STIM1: variants seen among roughly 807,000 people sequenced by gnomAD.
STIM1 encodes stromal interaction molecule 1.
A neutral mutation model predicts 74.7 loss-of-function variants in STIM1; 25 were observed. The ratio of observed to expected loss-of-function variants is 0.33; its 90% confidence interval spans 0.24 to 0.47. The LOEUF is 0.47. Ranked by LOEUF, STIM1 falls within the 20% of genes least tolerant of loss-of-function variation. The pLI is 1.00. For synonymous variants in STIM1, 328 were observed against 348.8 expected (o/e 0.94, Z 0.66); for missense variants, 728 against 920.8 (o/e 0.79, Z 2.71).
intron 3 of STIM1, among the ~76,000 whole-genome samples, chr11:4,039,915 C>A (rs1042812096): frequency 6.6e-6 from 1 of 151,772 alleles, no homozygotes; most frequent in African/African-American, 2.4e-5. Flanking sequence ...TTGCAGGTGC[C>A]CACGATGACG....
intron 2 of STIM1, 31 bp from the exon 3 acceptor site, chr11:4,023,842 C>G (rs2093977843): frequency 1.9e-6 from 3 of 1,579,844 alleles, no homozygotes; most frequent in African/African-American, 1.3e-5. Flanking sequence ...TCCTAGGTAT[C>G]TCTTGTGACT....
chr11:4,058,969 A>G, intron 4 of STIM1: 2 of 1,170,246 alleles, frequency 1.7e-6, no homozygotes, highest in Non-Finnish European at 2.1e-6. Context: ...TGTAGAGGAT[A>G]AACCCTGGAA....
chr11:3,941,696 A>AGAGAGAGAGAGAGTGT lies in STIM1; in HGVS notation c.140-25855_140-25854insAGAGAGAGAGAGTGTG, dbSNP rs1214690521. The stretch of plus-strand genomic sequence containing the variant: ...TATAGAGAGAGAGAGAGAGAGAGAG[A>AGAGAGAGAGAGAGTGT]GTGTGTGTGTGTCTCAGTGTCACTG... On this transcript the variant is annotated intron_variant, in intron 1 of 12. Coordinates refer to ENST00000526596, the MANE Select transcript of STIM1 (RefSeq NM_001382567.1). Among the ~76,000 whole-genome samples the AGAGAGAGAGAGAGTGT allele has an allele frequency of 6.5e-3, 915 of 141,284 alleles. 15 individuals carry two copies. Among genetic ancestry groups the AGAGAGAGAGAGAGTGT allele is most frequent in the Admixed American group, 0.016 (222 of 13,708 alleles). The allele number at this position is 141,284 out of a possible 152,430, so 92.7% of individuals were successfully genotyped here.
intron 1 of STIM1, among the ~76,000 whole-genome samples, chr11:3,882,549 C>G (rs1015486286): frequency 6.6e-6 from 1 of 152,110 alleles, no homozygotes; most frequent in African/African-American, 2.4e-5. Context: ...CACCGTTTAC[C>G]TATGTACCAA....
At chr11:3,917,351 T>G (rs571194807) in intron 1 of STIM1, among the ~76,000 whole-genome samples, 2 of 152,172 alleles carry the variant, frequency 1.3e-5, no homozygotes, top group Admixed American at 6.5e-5. Context: ...TGATTTCAAG[T>G]TGGATGACTT....
chr11:3,855,608 C>CCCCCG, upstream of STIM1: 1 of 139,130 alleles, frequency 7.2e-6, no homozygotes, highest in Non-Finnish European at 1.6e-5. Context: ...GGGGCGGGCG[C>CCCCCG]GGAGACGCAC....
intron 1 of STIM1, among the ~76,000 whole-genome samples, chr11:3,895,867 C>CTTTCT (rs199623120): frequency 0.041 from 3,101 of 74,964 alleles, 504 homozygotes; most frequent in African/African-American, 0.064. Context: ...CTCTCTCTCT[C>CTTTCT]TTTCTTTTCT....
At chr11:3,945,788 G>A (rs2093065070) in intron 1 of STIM1, among the ~76,000 whole-genome samples, 1 of 152,288 alleles carries the variant, frequency 6.6e-6, no homozygotes, top group Non-Finnish European at 1.5e-5. Flanking sequence ...AAGAAAAGAG[G>A]TTTAATTGGC....
chr11:3,945,250 G>A (rs2093057684), intron 1 of STIM1, among the ~76,000 whole-genome samples: 1 of 152,132 alleles, frequency 6.6e-6, no homozygotes, highest in Admixed American at 6.6e-5. Flanking sequence ...ATGGAGAGTG[G>A]AGACTAGTGC....
intron 1 of STIM1, among the ~76,000 whole-genome samples, chr11:3,908,552 C>G (rs2092506876): frequency 6.8e-6 from 1 of 146,446 alleles, no homozygotes; most frequent in Admixed American, 6.9e-5. Flanking sequence ...GTGGAGCTTG[C>G]AGTAAGCTGA....
At chr11:3,866,717 A>G (rs2090874300) in intron 1 of STIM1, among the ~76,000 whole-genome samples, 1 of 152,110 alleles carries the variant, frequency 6.6e-6, no homozygotes, top group Admixed American at 6.5e-5. Context: ...CCAGTACCTA[A>G]GAGCACTGGG....
At chr11:3,902,510 C>A (rs7113148) in intron 1 of STIM1, among the ~76,000 whole-genome samples, 46,469 of 152,018 alleles carry the variant, frequency 0.31, 7,285 homozygotes, top group South Asian at 0.39. Flanking sequence ...ATAAGGAGCA[C>A]GCAACCTAGA....
At chr11:4,089,043 G>A (rs1054041770) in intron 12 of STIM1, 2 of 308,920 alleles carry the variant, frequency 6.5e-6, no homozygotes, top group Non-Finnish European at 1.3e-5. Flanking sequence ...ACCAGCCTGG[G>A]AAACAAAGTG....
At chr11:4,013,188 A>G (rs2135966487) in intron 2 of STIM1, among the ~76,000 whole-genome samples, 1 of 152,052 alleles carries the variant, frequency 6.6e-6, no homozygotes, top group African/African-American at 2.4e-5. Context: ...AAATTCTTTT[A>G]TTTGTTGTGT....
At chr11:4,066,599 C>G (rs2094367142) in intron 5 of STIM1, among the ~76,000 whole-genome samples, 1 of 152,052 alleles carries the variant, frequency 6.6e-6, no homozygotes, top group Non-Finnish European at 1.5e-5. Context: ...TGTAATTCCA[C>G]TTTGGGAGGC....
chr11:3,995,978 C>T (rs939961248), intron 2 of STIM1, among the ~76,000 whole-genome samples: 2 of 152,128 alleles, frequency 1.3e-5, no homozygotes, highest in Non-Finnish European at 2.9e-5. Flanking sequence ...CCCTAGTTAT[C>T]TCCAGCAAAT....
intron 1 of STIM1, among the ~76,000 whole-genome samples, chr11:3,894,311 G>T (rs1428341839): frequency 6.6e-6 from 1 of 152,044 alleles, no homozygotes; most frequent in East Asian, 1.9e-4. Flanking sequence ...CAACAAAAAG[G>T]GCCCCGTATG....
chr11:3,979,593 G>T (rs979801596), intron 2 of STIM1, among the ~76,000 whole-genome samples: 3 of 152,046 alleles, frequency 2.0e-5, no homozygotes, highest in African/African-American at 7.2e-5. Flanking sequence ...CTACAGGTGT[G>T]CACCACCACA....
At chr11:4,077,563 C>T (rs1164912349) in intron 7 of STIM1, among the ~76,000 whole-genome samples, 1 of 152,070 alleles carries the variant, frequency 6.6e-6, no homozygotes, top group Non-Finnish European at 1.5e-5. Context: ...GAACACTTTG[C>T]CTAACTCTAG....
Sources: allele counts gnomAD v4.1 joint callset (sites outside exome capture counted in the v4.1 genomes callset), GRCh38; gene constraint gnomAD v4.1.1; transcripts MANE v1.5; gene names NCBI Gene and HGNC (gene_info 2026-07-23, HGNC 2026-07-21).